MLLT3: variants seen among roughly 807,000 people sequenced by gnomAD.
MLLT3 encodes MLLT3 super elongation complex subunit.
In MLLT3, 4 loss-of-function variants were observed where a neutral mutation model predicts 53.2. The ratio of observed to expected loss-of-function variants is 0.08; its 90% CI spans 0.04 to 0.17. The LOEUF is 0.17. Among genes scored for constraint, MLLT3 ranks in the 10% least tolerant of loss-of-function variants. MLLT3 has a pLI of 1.00. For missense variants in MLLT3, 569 were observed against 684.0 expected, an observed-to-expected ratio of 0.83 and a Z score of 1.87; for synonymous variants, 283 against 230.6, an observed-to-expected ratio of 1.23 and a Z score of -2.06.
intron 2 of MLLT3, among the ~76,000 whole-genome samples, chr9:20,561,951 G>C (rs377261220): frequency 1.3e-5 from 2 of 149,076 alleles, no homozygotes; most frequent in Non-Finnish European, 1.5e-5. Flanking sequence ...TTTGAGGGGT[G>C]GGGGGGCAGA....
intron 2 of MLLT3, among the ~76,000 whole-genome samples, chr9:20,459,340 T>G (rs1281743736): frequency 6.6e-6 from 1 of 152,186 alleles, no homozygotes; most frequent in Non-Finnish European, 1.5e-5. Context: ...GCTTCAGTCT[T>G]GCATTCACTG....
In MLLT3 at chr9:20,572,777, G is replaced by A. The variant is rs749469933; in HGVS notation, c.193+47877C>T. On this transcript the variant is annotated intron_variant, in intron 2 of 10. Coordinates refer to ENST00000380338, the MANE Select transcript of MLLT3 (RefSeq NM_004529.4). The stretch of plus-strand genomic sequence containing the variant: ...CCACTGCACTCCAGCCTGGGCAATG[G>A]AGCAAGACTCCACCTCAAAAAATAA... Among the ~76,000 whole-genome samples, 28 of 152,068 alleles carry A rather than the reference G, an allele frequency of 1.8e-4. 1 individual carries two copies. The highest frequency in any genetic ancestry group is 3.2e-4 in the Non-Finnish European group (22 of 68,002).
intron 5 of MLLT3, among the ~76,000 whole-genome samples, chr9:20,392,250 G>C (rs554555547): frequency 2.0e-5 from 3 of 152,142 alleles, no homozygotes; most frequent in African/African-American, 7.2e-5. Flanking sequence ...CCTGGTAATT[G>C]TAAGAACCTT....
intron 2 of MLLT3, among the ~76,000 whole-genome samples, chr9:20,539,325 TA>T (rs1213555586): frequency 6.6e-6 from 1 of 152,244 alleles, no homozygotes; most frequent in Non-Finnish European, 1.5e-5. Context: ...CAACAATGTT[TA>T]CAGCATCTTT....
intron 2 of MLLT3, among the ~76,000 whole-genome samples, chr9:20,618,821 G>C (rs1319932330): frequency 1.3e-5 from 2 of 152,088 alleles, no homozygotes; most frequent in African/African-American, 2.4e-5. Context: ...GAAAAACAAT[G>C]GTAAAATAGA....
At chr9:20,406,230 C>T (rs1344251132) in intron 5 of MLLT3, among the ~76,000 whole-genome samples, 2 of 152,088 alleles carry the variant, frequency 1.3e-5, no homozygotes, top group South Asian at 2.1e-4. Flanking sequence ...GGCCATATAG[C>T]GAGACCCTGT....
intron 2 of MLLT3, among the ~76,000 whole-genome samples, chr9:20,501,463 C>T (rs889219271): frequency 1.3e-5 from 2 of 152,114 alleles, no homozygotes; most frequent in African/African-American, 4.8e-5. Flanking sequence ...CAGTTAAAAC[C>T]ACACCCGGCC....
chr9:20,551,126 T>C (rs1335910616), intron 2 of MLLT3, among the ~76,000 whole-genome samples: 1 of 152,218 alleles, frequency 6.6e-6, no homozygotes, highest in African/African-American at 2.4e-5. Flanking sequence ...GAAAATCAAG[T>C]AGGTCAATAT....
intron 9 of MLLT3, among the ~76,000 whole-genome samples, chr9:20,354,443 T>C (rs1821114143): frequency 6.6e-6 from 1 of 152,216 alleles, no homozygotes; most frequent in African/African-American, 2.4e-5. Flanking sequence ...TTCAGAAGCA[T>C]GACGCACACT....
At chr9:20,546,768 G>A (rs1268113156) in intron 2 of MLLT3, among the ~76,000 whole-genome samples, 1 of 152,232 alleles carries the variant, frequency 6.6e-6, no homozygotes, top group African/African-American at 2.4e-5. Context: ...CTCCCATCCT[G>A]TCCCGTGGAA....
At chr9:20,555,420 T>G (rs1819032624) in intron 2 of MLLT3, among the ~76,000 whole-genome samples, 1 of 152,108 alleles carries the variant, frequency 6.6e-6, no homozygotes, top group African/African-American at 2.4e-5. Flanking sequence ...GTCCTAGGAT[T>G]ACAGGCGTGA....
intron 5 of MLLT3, among the ~76,000 whole-genome samples, chr9:20,403,104 G>A (rs913311625): frequency 6.7e-5 from 10 of 150,358 alleles, no homozygotes; most frequent in African/African-American, 2.0e-4. Flanking sequence ...GCCTGCATCC[G>A]AGGGCCCCCT....
At chr9:20,501,223 A>G (rs1350736854) in intron 2 of MLLT3, among the ~76,000 whole-genome samples, 1 of 152,188 alleles carries the variant, frequency 6.6e-6, no homozygotes, top group Admixed American at 6.5e-5. Flanking sequence ...TTACTTTAAG[A>G]TTCTCTCATT....
chr9:20,442,715 T>C (rs1239359520), intron 4 of MLLT3, among the ~76,000 whole-genome samples: 1 of 152,146 alleles, frequency 6.6e-6, no homozygotes, highest in Non-Finnish European at 1.5e-5. Context: ...AACCCCTCGC[T>C]GGAGGTCCAC....
At chr9:20,390,410 G>C (rs941651464) in intron 5 of MLLT3, among the ~76,000 whole-genome samples, 1 of 152,090 alleles carries the variant, frequency 6.6e-6, no homozygotes, top group African/African-American at 2.4e-5. Context: ...TCAGATAAAA[G>C]CACTGATCCC....
intron 2 of MLLT3, among the ~76,000 whole-genome samples, chr9:20,562,022 C>G (rs1371618075): frequency 6.6e-6 from 1 of 151,978 alleles, no homozygotes; most frequent in Non-Finnish European, 1.5e-5. Flanking sequence ...TAAGCCTAAC[C>G]TCAGACACAA....
intron 2 of MLLT3, among the ~76,000 whole-genome samples, chr9:20,483,094 T>C (rs1240692765): frequency 6.6e-6 from 1 of 152,022 alleles, no homozygotes; most frequent in Non-Finnish European, 1.5e-5. Context: ...AAAAGACAAC[T>C]AGAGGCCAAC....
intron 2 of MLLT3, among the ~76,000 whole-genome samples, chr9:20,567,811 G>T (rs1304898670): frequency 1.3e-5 from 2 of 152,112 alleles, no homozygotes; most frequent in East Asian, 3.9e-4. Flanking sequence ...CTAACACTTG[G>T]CTTCTAACCC....
intron 3 of MLLT3, 105 bp downstream of exon 3, chr9:20,456,599 A>C: frequency 1.3e-6 from 1 of 795,436 alleles, no homozygotes; most frequent in East Asian, 2.7e-5. Context: ...CTTTTATTTT[A>C]AAATCATCTA....
Sources: gnomAD v4.1 joint callset for allele counts (sites outside exome capture counted in the v4.1 genomes callset) on GRCh38, gnomAD v4.1.1 for gene constraint, MANE v1.5 for transcripts, NCBI Gene and HGNC (gene_info 2026-07-23, HGNC 2026-07-21) for gene names.